The following RCAN1 variants were observed in gnomAD, a reference collection of about 807,000 sequenced individuals.
RCAN1 encodes regulator of calcineurin 1.
RCAN1 carries 11 observed loss-of-function variants against 22.9 expected under a neutral mutation model. The ratio of observed to expected loss-of-function variants is 0.48; its 90% CI spans 0.30 to 0.79. The LOEUF is 0.79. RCAN1 is among the 30% of genes least tolerant of loss of function. The pLI, the probability that RCAN1 is intolerant of heterozygous loss-of-function variation, is 0.06. For missense variants in RCAN1, 291 were observed against 337.8 expected (o/e 0.86, Z 1.09); for synonymous variants, 136 against 142.3 (o/e 0.96, Z 0.32).
At chr21:34,547,357 G>T (rs1986191090) in intron 1 of RCAN1, among the ~76,000 whole-genome samples, 1 of 152,152 alleles carries the variant, frequency 6.6e-6, no homozygotes, top group Admixed American at 6.5e-5. Flanking sequence ...TCACTGCCAT[G>T]TATGGGAATG....
At chr21:34,605,293 A>T (rs1988488371) in intron 1 of RCAN1, among the ~76,000 whole-genome samples, 1 of 152,222 alleles carries the variant, frequency 6.6e-6, no homozygotes, top group South Asian at 2.1e-4. Context: ...ATTAGACTCC[A>T]GGTTCTTCAG....
intron 1 of RCAN1, among the ~76,000 whole-genome samples, chr21:34,546,908 A>G (rs559843141): frequency 6.6e-6 from 1 of 152,288 alleles, no homozygotes; most frequent in East Asian, 1.9e-4. Context: ...TTAAGTGGAG[A>G]AAATGATTAG....
At chr21:34,551,561 T>C (rs1196630554) in intron 1 of RCAN1, among the ~76,000 whole-genome samples, 2 of 152,204 alleles carry the variant, frequency 1.3e-5, no homozygotes, top group Non-Finnish European at 2.9e-5. Context: ...TTCTGGTGAT[T>C]GGTGATTCTG....
At chr21:34,561,179 A>G (rs934070473) in intron 1 of RCAN1, among the ~76,000 whole-genome samples, 8 of 152,176 alleles carry the variant, frequency 5.3e-5, no homozygotes, top group Non-Finnish European at 1.0e-4. Context: ...CCAGCAATGC[A>G]GACTGTGAGT....
intron 1 of RCAN1, among the ~76,000 whole-genome samples, chr21:34,537,687 C>CT (rs1312408364): frequency 2.0e-5 from 3 of 152,230 alleles, no homozygotes; most frequent in Non-Finnish European, 4.4e-5. Context: ...TAGTCACCTG[C>CT]TAGGGCCAGC....
At chr21:34,567,900 G>A (rs1255362129) in intron 1 of RCAN1, among the ~76,000 whole-genome samples, 2 of 152,210 alleles carry the variant, frequency 1.3e-5, no homozygotes, top group African/African-American at 2.4e-5. Context: ...GAAGATAACT[G>A]GAGTGAAATA....
chr21:34,578,093 C>A (rs960145332), intron 1 of RCAN1, among the ~76,000 whole-genome samples: 1 of 152,092 alleles, frequency 6.6e-6, no homozygotes, highest in African/African-American at 2.4e-5. Context: ...AAACTGAGGG[C>A]ACCAAGGTCA....
intron 1 of RCAN1, among the ~76,000 whole-genome samples, chr21:34,537,782 G>A (rs2284575): frequency 0.34 from 51,320 of 152,182 alleles, 10,061 homozygotes; most frequent in East Asian, 0.52. Flanking sequence ...AATTTACACC[G>A]AATTATACAT....
intron 1 of RCAN1, among the ~76,000 whole-genome samples, chr21:34,597,342 C>A (rs571857747): frequency 6.6e-6 from 1 of 152,320 alleles, no homozygotes; most frequent in East Asian, 1.9e-4. Flanking sequence ...ATTTCAAGCA[C>A]TCAGTGGCCA....
At chr21:34,521,463 C>T in intron 3 of RCAN1, 36 bp downstream of exon 3, 1 of 1,613,338 alleles carries the variant, frequency 6.2e-7, no homozygotes, top group Non-Finnish European at 8.5e-7. Flanking sequence ...AGCTGTGTCT[C>T]CCCCTGCCTC....
At chr21:34,608,986 G>T (rs1479644816) in intron 1 of RCAN1, among the ~76,000 whole-genome samples, 1 of 152,108 alleles carries the variant, frequency 6.6e-6, no homozygotes, top group East Asian at 1.9e-4. Context: ...ATTAAACCCA[G>T]CTAAATCTTC....
chr21:34,559,086 A>G (rs2123660710), intron 1 of RCAN1: 1 of 152,370 alleles, frequency 6.6e-6, no homozygotes, highest in East Asian at 1.9e-4. Flanking sequence ...CTGTCAGTCT[A>G]GCTACATGAA....
rs371427724 is a variant in RCAN1, at chr21:34,529,576, T to C, written c.253-5866A>G. Among the ~76,000 whole-genome samples the C allele has an allele frequency of 5.6e-4, 86 of 152,340 alleles. 3 individuals carry two copies. The South Asian group carries it at 0.017, about 30-fold the overall frequency. On this transcript the variant is annotated intron_variant, in intron 1 of 3. Coordinates refer to ENST00000313806, the MANE Select transcript of RCAN1 (RefSeq NM_004414.7). ...TATGCAAATGAATTTACTTTATAAA[T>C]AGTGATTCTCCCCACTGAGAATAAA... is the stretch of plus-strand genomic sequence containing the variant.
intron 1 of RCAN1, among the ~76,000 whole-genome samples, chr21:34,545,528 G>C (rs57216941): frequency 0.089 from 13,565 of 152,240 alleles, 961 homozygotes; most frequent in African/African-American, 0.19. Flanking sequence ...GTGACCCCCA[G>C]TATGCTTCCT....
chr21:34,543,767 A>C (rs934643839), intron 1 of RCAN1, among the ~76,000 whole-genome samples: 1 of 152,154 alleles, frequency 6.6e-6, no homozygotes, highest in Non-Finnish European at 1.5e-5. Context: ...TAGCATGTGA[A>C]GTGGCCAAAG....
intron 1 of RCAN1, chr21:34,526,814 C>G (rs915731789): frequency 2.6e-6 from 4 of 1,556,432 alleles, no homozygotes; most frequent in Admixed American, 2.0e-5. Context: ...GATTCCTTTC[C>G]AAGAGGCTGT....
chr21:34,519,906 C>A (rs1179873626), intron 3 of RCAN1, among the ~76,000 whole-genome samples: 1 of 152,118 alleles, frequency 6.6e-6, no homozygotes, highest in East Asian at 1.9e-4. Context: ...TATAACTGCA[C>A]TGAAAAAGGC....
intron 1 of RCAN1, among the ~76,000 whole-genome samples, chr21:34,606,755 A>C (rs887802430): frequency 5.3e-5 from 8 of 152,124 alleles, no homozygotes; most frequent in Non-Finnish European, 1.2e-4. Flanking sequence ...CTCTCTCCAC[A>C]CACTGAGGAA....
intron 1 of RCAN1, among the ~76,000 whole-genome samples, chr21:34,528,186 A>T (rs1985181516): frequency 6.6e-6 from 1 of 152,254 alleles, no homozygotes; most frequent in Non-Finnish European, 1.5e-5. Flanking sequence ...ATTCACATTT[A>T]AAAATTAACT....
Sources: gnomAD v4.1 joint callset for allele counts (sites outside exome capture counted in the v4.1 genomes callset) on GRCh38, gnomAD v4.1.1 for gene constraint, MANE v1.5 for transcripts, NCBI Gene and HGNC (gene_info 2026-07-23, HGNC 2026-07-21) for gene names.